The following LOC122539214 variants were observed in gnomAD, a reference collection of about 807,000 sequenced individuals.
At chr19:52,653,684 G>A in the LOC122539214 span, among the ~76,000 whole-genome samples, 5 of 152,178 alleles carry the variant, frequency 3.3e-5, no homozygotes, top group African/African-American at 4.8e-5. Context: ...CTATGATGGC[G>A]TGTAAGAGAT....
the LOC122539214 span, chr19:52,651,953 T>C: frequency 1.1e-5 from 2 of 179,002 alleles, no homozygotes; most frequent in East Asian, 1.8e-4. Context: ...CAATGCAGAA[T>C]TGACTCTAAT....
the LOC122539214 span, among the ~76,000 whole-genome samples, chr19:52,690,006 G>A: frequency 6.6e-6 from 1 of 152,146 alleles, no homozygotes; most frequent in Non-Finnish European, 1.5e-5. Context: ...GACAAGGGTG[G>A]GGTCTGCAGG....
chr19:52,651,984 T>G, the LOC122539214 span: 1 of 192,312 alleles, frequency 5.2e-6, no homozygotes, highest in Non-Finnish European at 1.1e-5. Context: ...GTTTGTCATT[T>G]TCTATAGTCA....
At chr19:52,659,010 C>T in the LOC122539214 span, among the ~76,000 whole-genome samples, 1 of 152,106 alleles carries the variant, frequency 6.6e-6, no homozygotes, top group South Asian at 2.1e-4. Context: ...CGATTGGGCA[C>T]CCAGCAGGAC....
the LOC122539214 span, among the ~76,000 whole-genome samples, chr19:52,686,950 G>A: frequency 2.3e-3 from 348 of 152,080 alleles, 2 homozygotes; most frequent in African/African-American, 8.0e-3. Context: ...GGGAGATCGA[G>A]GTGAGCAGAT....
chr19:52,668,531 C>CT, the LOC122539214 span, among the ~76,000 whole-genome samples: 1 of 152,018 alleles, frequency 6.6e-6, no homozygotes, highest in African/African-American at 2.4e-5. Flanking sequence ...TTAGGGTGTG[C>CT]TTTTTTCTCC....
chr19:52,676,569 G>A, the LOC122539214 span, among the ~76,000 whole-genome samples: 11 of 151,624 alleles, frequency 7.3e-5, no homozygotes, highest in East Asian at 5.8e-4. Context: ...CTGCCCGGCC[G>A]CCCCTACTGG....
chr19:52,658,987 C>G, the LOC122539214 span, among the ~76,000 whole-genome samples: 1 of 152,100 alleles, frequency 6.6e-6, no homozygotes, highest in East Asian at 1.9e-4. Flanking sequence ...AGGGCCGGCT[C>G]TTGGTGTGCA....
the LOC122539214 span, among the ~76,000 whole-genome samples, chr19:52,665,698 T>C: frequency 3.3e-5 from 5 of 152,146 alleles, no homozygotes; most frequent in Admixed American, 2.0e-4. Flanking sequence ...TCACTCTTTT[T>C]AAATTAGCCA....
chr19:52,683,543 G>A, the LOC122539214 span, among the ~76,000 whole-genome samples: 1 of 117,694 alleles, frequency 8.5e-6, no homozygotes, highest in South Asian at 2.7e-4. Context: ...CAAAGTCCCT[G>A]CCCATAATGG....
the LOC122539214 span, among the ~76,000 whole-genome samples, chr19:52,673,836 G>A: frequency 1.3e-5 from 2 of 151,436 alleles, no homozygotes; most frequent in African/African-American, 4.9e-5. Context: ...TCAACATGGT[G>A]CAACCCTATC....
chr19:52,657,673 C>T, the LOC122539214 span, among the ~76,000 whole-genome samples: 3 of 151,970 alleles, frequency 2.0e-5, no homozygotes, highest in Non-Finnish European at 4.4e-5. Flanking sequence ...CATAGAGAAA[C>T]CCCGTCTCTA....
At chr19:52,678,922 C>T in the LOC122539214 span, among the ~76,000 whole-genome samples, 1 of 150,814 alleles carries the variant, frequency 6.6e-6, no homozygotes, top group African/African-American at 2.5e-5. Flanking sequence ...TTGCAGTGAG[C>T]TGAGATCACA....
chr19:52,687,436 A>C, the LOC122539214 span, among the ~76,000 whole-genome samples: 3 of 20,038 alleles, frequency 1.5e-4, 1 homozygote, highest in Middle Eastern at 0.045. Flanking sequence ...TATAATTTAT[A>C]TAGCTATATA....
chr19:52,685,258 G>T, the LOC122539214 span, among the ~76,000 whole-genome samples: 1 of 152,110 alleles, frequency 6.6e-6, no homozygotes, highest in Non-Finnish European at 1.5e-5. Context: ...CGCTCACTGG[G>T]CTCAGAGCGG....
the LOC122539214 span, among the ~76,000 whole-genome samples, chr19:52,663,484 T>C: frequency 0.2 from 30,225 of 152,144 alleles, 3,760 homozygotes; most frequent in Non-Finnish European, 0.26. Context: ...CCAGAGGAAC[T>C]TGAGGAAAAT....
chr19:52,653,090 T>C, the LOC122539214 span: 1 of 1,477,966 alleles, frequency 6.8e-7, no homozygotes, highest in Middle Eastern at 1.8e-4. Context: ...TGAATTGCCT[T>C]ATGAATTAGA....
the LOC122539214 span, among the ~76,000 whole-genome samples, chr19:52,678,187 T>A: frequency 3.3e-5 from 5 of 151,930 alleles, no homozygotes; most frequent in African/African-American, 1.2e-4. Context: ...GCTCGGTGGC[T>A]CAAGCCTGTA....
At chr19:52,653,173 C>A in the LOC122539214 span, 1 of 1,457,230 alleles carries the variant, frequency 6.9e-7, no homozygotes, top group Non-Finnish European at 9.5e-7. Flanking sequence ...ATGAAGTCTA[C>A]GATGGCCCAC....
Sources: allele counts gnomAD v4.1 joint callset (sites outside exome capture counted in the v4.1 genomes callset), GRCh38; gene constraint gnomAD v4.1.1; transcripts MANE v1.5.